SNURF: variants seen among roughly 807,000 people sequenced by gnomAD.
SNURF encodes the protein SNURF protein.
SNURF carries 6 observed loss-of-function variants against 11.6 expected under a neutral mutation model. The ratio of observed to expected loss-of-function variants is 0.52; its 90% CI spans 0.28 to 1.02. SNURF has a LOEUF of 1.02. Among genes scored for constraint, SNURF ranks in the 50% least tolerant of loss-of-function variants. The pLI, the probability that SNURF is intolerant of heterozygous loss-of-function variation, is 0.09. For synonymous variants in SNURF, 29 were observed against 31.6 expected (o/e 0.92, Z 0.27); for missense variants, 84 against 88.4 (o/e 0.95, Z 0.20).
chr15:24,969,930 C>T (rs540867643), downstream of SNURF, among the ~76,000 whole-genome samples: 2 of 152,274 alleles, frequency 1.3e-5, no homozygotes, highest in South Asian at 4.1e-4. Flanking sequence ...GTAGTTGTGA[C>T]AGATTGAATG....
rs1046366464 is a variant in SNURF, at chr15:24,968,129, A to G, written c.*92A>G. 5 of 1,138,404 alleles carry G rather than the reference A, an allele frequency of 4.4e-6. No homozygotes were observed. The East Asian group carries it at 1.2e-4, about 27-fold the overall frequency. The allele number at this position is 1,138,404 out of a possible 1,614,324, so 70.5% of individuals were successfully genotyped here. A position where few individuals can be genotyped will look rare whatever the true frequency, so the allele number is the denominator to read the frequency against. ...ATCAAGAATAAAGAATCATTAAAGA[A>G]TGGGGTGTTGGGGGTTCTCTTAATT... On this transcript the variant is annotated 3_prime_UTR_variant, in exon 3 of 3. Coordinates refer to ENST00000577949, the Ensembl canonical transcript of SNURF.
chr15:24,973,186 G>A (rs939235142), downstream of SNURF, among the ~76,000 whole-genome samples: 1 of 152,132 alleles, frequency 6.6e-6, no homozygotes, highest in African/African-American at 2.4e-5. Context: ...ACCACACCCA[G>A]CCTCTTCTCT....
chr15:24,973,408 A>G (rs1465706210), downstream of SNURF, among the ~76,000 whole-genome samples: 1 of 151,704 alleles, frequency 6.6e-6, no homozygotes, highest in Non-Finnish European at 1.5e-5. Flanking sequence ...TTATTTTGAG[A>G]TGAAGTTTTG....
chr15:24,971,991 C>T (rs1268139662), downstream of SNURF, among the ~76,000 whole-genome samples: 1 of 152,178 alleles, frequency 6.6e-6, no homozygotes, highest in Non-Finnish European at 1.5e-5. Flanking sequence ...CGCAGTGGCT[C>T]ATGCCTGTAA....
At chr15:24,971,409 T>C (rs529141478), downstream of SNURF, among the ~76,000 whole-genome samples, 21 of 152,332 alleles carry the variant, frequency 1.4e-4, 1 homozygote, top group South Asian at 1.0e-3. Flanking sequence ...CATTTAGGGA[T>C]GAGAGAGAAC....
rs147272383 is a variant in SNURF, at chr15:24,965,986, G to A, written c.111-1946G>A. Among the ~76,000 whole-genome samples the A allele has an allele frequency of 2.2e-3, 333 of 152,200 alleles. 1 individual carries two copies. Among genetic ancestry groups the A allele is most frequent in the African/African-American group, 7.4e-3 (308 of 41,494 alleles). The stretch of plus-strand genomic sequence containing the variant: ...GCCCAAATTAAGATTTATTTATTCA[G>A]TGATTAGACTATGAATTAGAGTATA... On this transcript the variant is annotated intron_variant, in intron 2 of 2. Transcript: ENST00000577949.
chr15:24,973,156 T>G (rs1267347151), downstream of SNURF, among the ~76,000 whole-genome samples: 1 of 152,126 alleles, frequency 6.6e-6, no homozygotes, highest in Non-Finnish European at 1.5e-5. Flanking sequence ...CCCAAAGTGT[T>G]GGGATTATGG....
At chr15:24,976,201 G>A (rs929181547) in intron 4 of SNURF, 2 of 870,910 alleles carry the variant, frequency 2.3e-6, no homozygotes, top group African/African-American at 3.3e-5. Context: ...CTCAGTAAAT[G>A]TTTAGCATCA....
At chr15:24,959,992 T>A (rs750577528) in intron 1 of SNURF, among the ~76,000 whole-genome samples, 5 of 152,208 alleles carry the variant, frequency 3.3e-5, no homozygotes, top group Non-Finnish European at 5.9e-5. Flanking sequence ...TGTCTGGGCA[T>A]GGTGGCTCAT....
exon 3 of SNURF, chr15:24,968,189 C>CATACA (rs1308182958): frequency 1.4e-6 from 1 of 720,580 alleles, no homozygotes; most frequent in Non-Finnish European, 2.4e-6. Context: ...CTTAGAGCTT[C>CATACA]ATACAATAAA....
At chr15:24,956,990 G>C (rs2153389503) in intron 1 of SNURF, among the ~76,000 whole-genome samples, 1 of 152,266 alleles carries the variant, frequency 6.6e-6, no homozygotes, top group East Asian at 1.9e-4. Context: ...TTGGTTTTCT[G>C]ACTCCCTGGA....
chr15:24,974,190 G>A, intron 3 of SNURF: 1 of 494,958 alleles, frequency 2.0e-6, no homozygotes, highest in South Asian at 2.5e-5. Flanking sequence ...TGGTGAGGAA[G>A]CTAGTATGAG....
chr15:24,972,619 A>G (rs2076567462), downstream of SNURF, among the ~76,000 whole-genome samples: 1 of 149,388 alleles, frequency 6.7e-6, no homozygotes. Context: ...TCTCCGCTCA[A>G]AAAGATACTT....
intron 1 of SNURF, among the ~76,000 whole-genome samples, chr15:24,957,394 T>A (rs184100162): frequency 1.3e-5 from 2 of 152,318 alleles, no homozygotes; most frequent in African/African-American, 2.4e-5. Flanking sequence ...AGTTACTGTC[T>A]TTTTTTGGAT....
intron 1 of SNURF, among the ~76,000 whole-genome samples, chr15:24,960,344 G>C (rs2074563419): frequency 1.3e-5 from 2 of 151,966 alleles, no homozygotes; most frequent in African/African-American, 4.8e-5. Context: ...TTTCAGTGGG[G>C]GTTTTTTCAT....
At chr15:24,965,796 A>G (rs143936098) in intron 2 of SNURF, among the ~76,000 whole-genome samples, 105 of 152,184 alleles carry the variant, frequency 6.9e-4, no homozygotes, top group African/African-American at 2.3e-3. Context: ...TTAATCTTCT[A>G]TTGGGTTACA....
downstream of SNURF, among the ~76,000 whole-genome samples, chr15:24,971,288 C>T (rs2076368032): frequency 1.3e-5 from 2 of 152,234 alleles, no homozygotes; most frequent in East Asian, 1.9e-4. Flanking sequence ...TTGCTACTCT[C>T]GTCGCCTTTC....
chr15:24,977,871 C>T (rs2077241738), downstream of SNURF: 3 of 1,608,698 alleles, frequency 1.9e-6, no homozygotes, highest in Non-Finnish European at 2.5e-6. Context: ...CCCACCAGGA[C>T]GGGGCACTCC....
chr15:24,972,673 G>A (rs924685025), downstream of SNURF, among the ~76,000 whole-genome samples: 6 of 150,398 alleles, frequency 4.0e-5, no homozygotes, highest in Admixed American at 1.3e-4. Context: ...TTTTTAATTA[G>A]TATGATAAGC....
Sources: gnomAD v4.1 joint callset for allele counts (sites outside exome capture counted in the v4.1 genomes callset) on GRCh38, gnomAD v4.1.1 for gene constraint, MANE v1.5 for transcripts, NCBI Gene and HGNC (gene_info 2026-07-23, HGNC 2026-07-21) for gene names.